Variants in KIAA0408 observed in about 807,000 individuals in gnomAD.
The protein encoded by KIAA0408 is uncharacterized protein KIAA0408.
Under a neutral mutation model 60.9 loss-of-function variants are expected in KIAA0408, and 51 were observed. The ratio of observed to expected loss-of-function variants is 0.84; its 90% CI spans 0.67 to 1.06. The LOEUF (loss-of-function observed/expected upper bound fraction) is 1.06, where lower values mean the gene tolerates loss of function less well. Among genes scored for constraint, KIAA0408 ranks in the 50% least tolerant of loss-of-function variants. The pLI, the probability that KIAA0408 is intolerant of heterozygous loss-of-function variation, is 0.00. For missense variants in KIAA0408, 787 were observed against 833.9 expected (o/e 0.94, Z 0.69); for synonymous variants, 304 against 282.4 (o/e 1.08, Z -0.77).
rs1202414426 is a variant in KIAA0408, at chr6:127,457,608, C to A, written c.-121+1567G>T. Among the ~76,000 whole-genome samples the A allele has an allele frequency of 3.9e-5, 6 of 152,366 alleles. No homozygotes were observed. The East Asian group carries it at 1.2e-3, about 29-fold the overall frequency. On this transcript the variant is annotated intron_variant, in intron 1 of 5. Transcript: ENST00000483725. ...TTGCATAATCCCTTTTAACTTACTT[C>A]CCCTTTCCAGGGCTGAAAGCCAGAA...
At chr6:127,456,612 G>A (rs556493000) in intron 1 of KIAA0408, among the ~76,000 whole-genome samples, 4 of 152,292 alleles carry the variant, frequency 2.6e-5, no homozygotes, top group African/African-American at 7.2e-5. Flanking sequence ...GCCAAGAAAT[G>A]TAATAGTTAT....
At position 127,454,455 on chromosome 6, in the gene KIAA0408, G is replaced by A. The variant is rs145321441; in HGVS notation, c.-120-354C>T. Among the ~76,000 whole-genome samples the A allele has an allele frequency of 5.6e-3, 855 of 152,170 alleles. 2 individuals are homozygous for A. Among genetic ancestry groups the A allele is most frequent in the Non-Finnish European group, 9.1e-3 (621 of 67,962 alleles). On this transcript the variant is annotated intron_variant, in intron 1 of 5. Transcript: ENST00000483725. ...ATGTATGCTCACATCTACACACTGT[G>A]ACAGATTCTGCTGCAATAAAATTAT...
intron 4 of KIAA0408, among the ~76,000 whole-genome samples, chr6:127,448,460 A>T (rs1773242847): frequency 6.6e-6 from 1 of 152,200 alleles, no homozygotes; most frequent in South Asian, 2.1e-4. Context: ...AATTACAAAT[A>T]TCTTGAACCT....
intron 1 of KIAA0408, among the ~76,000 whole-genome samples, chr6:127,457,017 A>C (rs912953102): frequency 3.3e-5 from 5 of 151,892 alleles, no homozygotes; most frequent in Non-Finnish European, 5.9e-5. Flanking sequence ...TGGAAAAAAA[A>C]CAGATTATTT....
chr6:127,449,289 A>G (rs766076442), intron 4 of KIAA0408, among the ~76,000 whole-genome samples: 2 of 152,210 alleles, frequency 1.3e-5, no homozygotes, highest in Non-Finnish European at 2.9e-5. Flanking sequence ...AGAGTAAAGT[A>G]TTACTAATAG....
intron 4 of KIAA0408, among the ~76,000 whole-genome samples, chr6:127,449,123 G>C (rs557720422): frequency 6.6e-6 from 1 of 152,076 alleles, no homozygotes; most frequent in East Asian, 1.9e-4. Context: ...TAAGCAAAAC[G>C]CCACACTGTT....
rs556324263 is a variant in KIAA0408 at position 127,442,517 on chromosome 6, A to G, written c.*1592T>C. On this transcript the variant is annotated 3_prime_UTR_variant, in exon 6 of 6. Transcript: ENST00000483725. ...ATGTATAGACCTTAGTTACCATCCA[A>G]TACAAATCACTCTAGACCTTTAATT... 1.8e-4 allele frequency: 28 copies of G among 152,332 alleles called. No individual in the cohort carries two copies. Among genetic ancestry groups the G allele is most frequent in the East Asian group, 1.2e-3 (6 of 5,184 alleles). The allele number at this position is 152,332 out of a possible 1,614,324, so 9.4% of individuals were successfully genotyped here. A position where few individuals can be genotyped will look rare whatever the true frequency, so the allele number is the denominator to read the frequency against.
At position 127,459,275 on chromosome 6, in the gene KIAA0408, C is replaced by G. The variant is rs1221883093; in HGVS notation, c.-221G>C. On this transcript the variant is annotated 5_prime_UTR_variant, in exon 1 of 6. Transcript: ENST00000483725. ...TGTCTTAAAGAGAAAAGTCTCAGCTCGGTGAATCTCGATTCTTTACAAGAA... is the reference window on the plus strand; with the variant it reads ...TGTCTTAAAGAGAAAAGTCTCAGCTGGGTGAATCTCGATTCTTTACAAGAA... 1 of 152,200 alleles carries G rather than the reference C, an allele frequency of 6.6e-6. No individual in the cohort carries two copies. Among genetic ancestry groups the G allele is most frequent in the Admixed American group, 6.5e-5 (1 of 15,280 alleles). The allele number at this position is 152,200 out of a possible 1,614,324, so 9.4% of individuals were successfully genotyped here. A position where few individuals can be genotyped will look rare whatever the true frequency, so the allele number is the denominator to read the frequency against.
At chr6:127,454,961 T>A (rs1189590116) in intron 1 of KIAA0408, among the ~76,000 whole-genome samples, 1 of 152,096 alleles carries the variant, frequency 6.6e-6, no homozygotes, top group East Asian at 1.9e-4. Context: ...ATGTAACTGG[T>A]ATAAGTCTAA....
Position 127,444,212 on chromosome 6 carries a change from A to AGAC in KIAA0408, c.1979_1981dup (p.Arg660dup). 1 of 1,613,130 alleles carries AGAC rather than the reference A, an allele frequency of 6.2e-7. No individual in the cohort carries two copies. ...AGATCTGGATGCCCATCTGGAGGGG[A>AGAC]GACGACGATTTGCTGGTCTAGCAGG... On this transcript the variant is annotated inframe_insertion, in exon 6 of 6. Transcript: ENST00000483725.
chr6:127,450,102 T>C lies in KIAA0408; in HGVS notation c.386A>G (p.Lys129Arg), dbSNP rs1267090326. ...AGCCAAAGGATCCAAAAACCCTACT[T>C]TTGATTTTTTTGTTGCTTTTTGTTC... ...CKEQKATKKS[K>R]VGFLDPLATD... The change falls in exon 3 of 6, where the codon AAA (lysine) becomes AGA (arginine). Residue 129 changes from lysine to arginine, a missense_variant. This residue lies in a region of KIAA0408 where 640 missense variants were observed against 681.3 expected (regional missense o/e 0.94). Transcript: ENST00000483725. 2.5e-6 allele frequency: 4 copies of C among 1,614,124 alleles called. No homozygotes were observed. In the South Asian group the frequency reaches 3.3e-5, roughly 13 times the overall value.
rs1773146133 is a variant in KIAA0408, at chr6:127,444,055, C to T, written c.*54G>A. 6.4e-7 allele frequency: 1 copy of T among 1,554,414 alleles called. No individual in the cohort carries two copies. Among genetic ancestry groups the T allele is most frequent in the Admixed American group, 1.7e-5 (1 of 58,758 alleles). On this transcript the variant is annotated 3_prime_UTR_variant, in exon 6 of 6. Transcript: ENST00000483725. Reference sequence around the variant, plus strand: ...TCCGCCTGTAAACACTCAGAATGCTCTGTTTGACAAGTGGGACTAGAACTT... The same window carrying T: ...TCCGCCTGTAAACACTCAGAATGCTTTGTTTGACAAGTGGGACTAGAACTT...
Position 127,439,992 on chromosome 6 carries a change from G to C in KIAA0408, c.*4117C>G, listed in dbSNP as rs952829735. ...TAAATGAACTTGTTCTGAGTTCATA[G>C]GTCCCTCAAAATCTAAACCGTTACC... On this transcript the variant is annotated 3_prime_UTR_variant, in exon 6 of 6. Coordinates refer to ENST00000483725, the MANE Select transcript of KIAA0408 (RefSeq NM_014702.5). 1 of 152,118 alleles carries C rather than the reference G, an allele frequency of 6.6e-6. No individual in the cohort carries two copies. The highest frequency in any genetic ancestry group is 1.5e-5 in the Non-Finnish European group (1 of 68,032). 9.4% of individuals were successfully genotyped at this position (152,118 alleles called of 1,614,324 possible).
intron 1 of KIAA0408, among the ~76,000 whole-genome samples, chr6:127,454,862 A>G (rs1486083193): frequency 1.3e-5 from 2 of 152,072 alleles, no homozygotes; most frequent in Admixed American, 6.6e-5. Context: ...GGAATCCTCT[A>G]TTACATTAAG....
At position 127,445,677 on chromosome 6, in the gene KIAA0408, CTCT is replaced by C. The variant is rs775422310; in HGVS notation, c.1911+728_1911+730del. ...ATGAGTAAAAGAGAGTGTTGTATAA[CTCT>C]TCTTTGTAAATACCAATTTCTTTGA... On this transcript the variant is annotated intron_variant, in intron 5 of 5. Transcript: ENST00000483725. Among the ~76,000 whole-genome samples the C allele has an allele frequency of 5.5e-4, 84 of 152,260 alleles. 1 individual carries two copies. The highest frequency in any genetic ancestry group is 5.0e-3 in the East Asian group (26 of 5,190).
chr6:127,448,572 A>C (rs1773244725), intron 4 of KIAA0408, among the ~76,000 whole-genome samples: 1 of 151,840 alleles, frequency 6.6e-6, no homozygotes, highest in Non-Finnish European at 1.5e-5. Flanking sequence ...TAAATAAAAA[A>C]CTAAATATCG....
intron 2 of KIAA0408, chr6:127,451,247 G>A (rs943425639): frequency 2.2e-6 from 1 of 453,606 alleles, no homozygotes; most frequent in Non-Finnish European, 4.4e-6. Flanking sequence ...TATTATTCAA[G>A]TAATATAATA....
In KIAA0408 at chr6:127,450,352, G is replaced by C; in HGVS notation, c.136C>G (p.Leu46Val). Residue 46 changes from leucine to valine, a missense_variant and splice_region_variant, in exon 3 of 6, where the codon CTT (leucine) becomes GTT (valine). By Grantham distance (32) the Leu-to-Val change is conservative (BLOSUM62 1). This residue lies in a region of KIAA0408 where 640 missense variants were observed against 681.3 expected (regional missense o/e 0.94). Coordinates refer to ENST00000483725, the MANE Select transcript of KIAA0408 (RefSeq NM_014702.5). ...CTCCAAAGCTTTACTTCCCGGCAAAGCTGTAAGAAAAACAAAACAAAATTA... is the reference window on the plus strand; with the variant it reads ...CTCCAAAGCTTTACTTCCCGGCAAACCTGTAAGAAAAACAAAACAAAATTA... ...WKIMQKKIEE[L>V]CREVKLWRKI... The C allele has an allele frequency of 6.3e-7, 1 of 1,577,036 alleles. No individual in the cohort carries two copies. Among genetic ancestry groups the C allele is most frequent in the Non-Finnish European group, 8.6e-7 (1 of 1,168,320 alleles).
chr6:127,446,312 G>T, intron 5 of KIAA0408, 96 bp downstream of exon 5: 1 of 1,510,426 alleles, frequency 6.6e-7, no homozygotes, highest in Non-Finnish European at 8.8e-7. Context: ...CAAAACTTGT[G>T]CCCTCATTCT....
Sources: allele counts gnomAD v4.1 joint callset (sites outside exome capture counted in the v4.1 genomes callset), GRCh38; gene constraint gnomAD v4.1.1; regional missense constraint gnomAD v4.1.1; transcripts MANE v1.5; gene names NCBI Gene and HGNC (gene_info 2026-07-23, HGNC 2026-07-21).